Variants in LDLRAD3 observed in about 807,000 individuals in gnomAD.
LDLRAD3 encodes low density lipoprotein receptor class A domain containing 3.
Under a neutral mutation model 29.4 loss-of-function variants are expected in LDLRAD3, and 20 were observed. The observed-to-expected ratio is 0.68, with a 90% CI of 0.48 to 0.99. The LOEUF (loss-of-function observed/expected upper bound fraction) is 0.99, where lower values mean the gene tolerates loss of function less well. Ranked by LOEUF, LDLRAD3 falls within the 50% of genes least tolerant of loss-of-function variation. The pLI, the probability that LDLRAD3 is intolerant of heterozygous loss-of-function variation, is 0.00. For synonymous variants in LDLRAD3, 157 were observed against 192.7 expected, an observed-to-expected ratio of 0.81 and a Z score of 1.53; for missense variants, 420 against 454.3, an observed-to-expected ratio of 0.92 and a Z score of 0.69.
chr11:36,053,090 G>C (rs895159857), intron 2 of LDLRAD3, among the ~76,000 whole-genome samples: 5 of 152,042 alleles, frequency 3.3e-5, no homozygotes, highest in Non-Finnish European at 5.9e-5. Context: ...CTTGGAGCAT[G>C]GACTCTTGTC....
chr11:36,122,218 T>C, intron 4 of LDLRAD3, among the ~76,000 whole-genome samples: 1 of 151,944 alleles, frequency 6.6e-6, no homozygotes, highest in South Asian at 2.1e-4. Flanking sequence ...CAGAAAATGA[T>C]GAGGAAGGGC....
At chr11:36,077,548 A>C (rs1289825220) in intron 2 of LDLRAD3, among the ~76,000 whole-genome samples, 1 of 152,204 alleles carries the variant, frequency 6.6e-6, no homozygotes, top group Non-Finnish European at 1.5e-5. Context: ...GAGTTCAGCC[A>C]CTGCACAGCC....
chr11:36,032,391 A>C (rs535616139), intron 1 of LDLRAD3, among the ~76,000 whole-genome samples: 4 of 152,262 alleles, frequency 2.6e-5, no homozygotes, highest in African/African-American at 9.6e-5. Flanking sequence ...TTTGTAAACT[A>C]TGGCCAGAGT....
At chr11:36,005,068 C>G (rs544096098) in intron 1 of LDLRAD3, among the ~76,000 whole-genome samples, 2 of 152,348 alleles carry the variant, frequency 1.3e-5, no homozygotes, top group South Asian at 4.1e-4. Context: ...CTCCTGTTGT[C>G]TTGGCTATTG....
chr11:36,126,560 T>C (rs1307761083), intron 4 of LDLRAD3, among the ~76,000 whole-genome samples: 1 of 152,128 alleles, frequency 6.6e-6, no homozygotes, highest in Admixed American at 6.5e-5. Context: ...AGAAGCCAGT[T>C]GTTGGCTGTG....
intron 3 of LDLRAD3, among the ~76,000 whole-genome samples, chr11:36,087,774 C>T (rs975885262): frequency 1.4e-4 from 21 of 151,674 alleles, no homozygotes; most frequent in Non-Finnish European, 2.1e-4. Flanking sequence ...TGCAGTAGTA[C>T]GAACACAGCT....
intron 1 of LDLRAD3, among the ~76,000 whole-genome samples, chr11:36,002,888 A>G (rs2133179455): frequency 6.6e-6 from 1 of 152,354 alleles, no homozygotes; most frequent in Middle Eastern, 3.4e-3. Flanking sequence ...TACAAATGGA[A>G]TATGTAAGAA....
chr11:35,950,866 G>C (rs564826602), intron 1 of LDLRAD3, among the ~76,000 whole-genome samples: 5 of 152,104 alleles, frequency 3.3e-5, no homozygotes, highest in Admixed American at 3.3e-4. Flanking sequence ...GGCGGATCAC[G>C]AAGTCAGAAG....
intron 3 of LDLRAD3, among the ~76,000 whole-genome samples, chr11:36,082,964 T>A (rs999009181): frequency 6.6e-6 from 1 of 152,208 alleles, no homozygotes; most frequent in Non-Finnish European, 1.5e-5. Context: ...ATAATTATCA[T>A]TGGCTCTGAA....
chr11:35,957,267 C>T (rs575938399), intron 1 of LDLRAD3, among the ~76,000 whole-genome samples: 13 of 152,288 alleles, frequency 8.5e-5, no homozygotes, highest in Admixed American at 3.3e-4. Flanking sequence ...ATAGCATAGA[C>T]GTTTTCCCAT....
chr11:35,982,766 A>C (rs6484807), intron 1 of LDLRAD3, among the ~76,000 whole-genome samples: 1 of 150,144 alleles, frequency 6.7e-6, no homozygotes, highest in Non-Finnish European at 1.5e-5. Context: ...TTCTGAATTC[A>C]TTATACCCAT....
chr11:35,985,953 C>T (rs1400961862), intron 1 of LDLRAD3, among the ~76,000 whole-genome samples: 1 of 151,648 alleles, frequency 6.6e-6, no homozygotes, highest in African/African-American at 2.4e-5. Flanking sequence ...GGTGCAAAAT[C>T]TAGGCTGGGT....
At chr11:35,967,547 A>G (rs1394631120) in intron 1 of LDLRAD3, 7 of 377,882 alleles carry the variant, frequency 1.9e-5, no homozygotes, top group Middle Eastern at 5.0e-4. Flanking sequence ...GAGTTTGCTT[A>G]TTGATGTCAC....
chr11:35,974,484 A>G (rs567835289), intron 1 of LDLRAD3, among the ~76,000 whole-genome samples: 4 of 152,244 alleles, frequency 2.6e-5, no homozygotes, highest in Non-Finnish European at 5.9e-5. Context: ...GCCTGGATAC[A>G]GCTTAGCTGG....
In LDLRAD3 at chr11:36,001,951, G is replaced by A. The variant is rs191634435; in HGVS notation, c.47-34152G>A. Among the ~76,000 whole-genome samples, 323 of 152,220 alleles carry A rather than the reference G, an allele frequency of 2.1e-3. 2 individuals carry two copies. Among genetic ancestry groups the A allele is most frequent in the African/African-American group, 6.8e-3 (281 of 41,536 alleles). The stretch of plus-strand genomic sequence containing the variant: ...ATTAGCTTTATTTTTTGTCGTTTAT[G>A]TTGTTGAAAACAATAGGCTTTTAGG... On this transcript the variant is annotated intron_variant, in intron 1 of 5. Coordinates refer to ENST00000315571, the MANE Select transcript of LDLRAD3 (RefSeq NM_174902.4).
chr11:36,152,731 G>C (rs1360319804), intron 4 of LDLRAD3, among the ~76,000 whole-genome samples: 2 of 152,220 alleles, frequency 1.3e-5, no homozygotes, highest in African/African-American at 2.4e-5. Context: ...AGGATAAATA[G>C]TTGGGACGCT....
At chr11:36,035,961 C>A in intron 1 of LDLRAD3, 142 bp from the exon 2 acceptor site, 1 of 719,724 alleles carries the variant, frequency 1.4e-6, no homozygotes, top group Non-Finnish European at 2.2e-6. Context: ...TAGTCCATTT[C>A]ACAGATGAGG....
intron 1 of LDLRAD3, among the ~76,000 whole-genome samples, chr11:35,945,242 G>C (rs1851041856): frequency 6.6e-6 from 1 of 152,188 alleles, no homozygotes; most frequent in African/African-American, 2.4e-5. Flanking sequence ...GTGGCCTGTG[G>C]GTTTGCTAAG....
intron 4 of LDLRAD3, among the ~76,000 whole-genome samples, chr11:36,214,397 G>T (rs1400376040): frequency 6.6e-6 from 1 of 152,148 alleles, no homozygotes; most frequent in Non-Finnish European, 1.5e-5. Context: ...CACACTTTTG[G>T]TCCTGCGAGT....
Sources: allele counts gnomAD v4.1 joint callset (sites outside exome capture counted in the v4.1 genomes callset), GRCh38; gene constraint gnomAD v4.1.1; transcripts MANE v1.5; gene names NCBI Gene and HGNC (gene_info 2026-07-23, HGNC 2026-07-21).